SLC36A1: variants seen among roughly 807,000 people sequenced by gnomAD.
The protein encoded by SLC36A1 is proton-coupled amino acid transporter 1.
SLC36A1 carries 30 observed loss-of-function variants against 47.5 expected under a neutral mutation model. The ratio of observed to expected loss-of-function variants is 0.63; its 90% CI spans 0.47 to 0.86. SLC36A1 has a LOEUF of 0.86. Ranked by LOEUF, SLC36A1 falls within the 40% of genes least tolerant of loss-of-function variation. The pLI, the probability that SLC36A1 is intolerant of heterozygous loss-of-function variation, is 0.00. For synonymous variants in SLC36A1, 255 were observed against 249.7 expected (o/e 1.02, Z -0.20); for missense variants, 517 against 606.0 (o/e 0.85, Z 1.54).
the SLC36A1 span, chr5:151,527,409 T>C: frequency 1.9e-6 from 3 of 1,552,648 alleles, no homozygotes; most frequent in Non-Finnish European, 2.6e-6. Flanking sequence ...AGGTTAGCAA[T>C]GAGGTAGCTG....
chr5:151,498,940 C>T, the SLC36A1 span, among the ~76,000 whole-genome samples: 3 of 152,194 alleles, frequency 2.0e-5, no homozygotes, highest in Non-Finnish European at 4.4e-5. Flanking sequence ...CGTGGCTGCT[C>T]GGCCACTTTC....
chr5:151,364,579 A>G, the SLC36A1 span, among the ~76,000 whole-genome samples: 1 of 152,222 alleles, frequency 6.6e-6, no homozygotes, highest in African/African-American at 2.4e-5. Context: ...TAAGGATCTT[A>G]GAGTTTCAAC....
the SLC36A1 span, among the ~76,000 whole-genome samples, chr5:151,402,894 T>G: frequency 6.6e-6 from 1 of 152,170 alleles, no homozygotes; most frequent in African/African-American, 2.4e-5. Flanking sequence ...GGGTCTTCTC[T>G]CTTTTTCATT....
intron 7 of SLC36A1, among the ~76,000 whole-genome samples, chr5:151,469,832 G>A (rs989525248): frequency 6.6e-6 from 1 of 151,412 alleles, no homozygotes; most frequent in African/African-American, 2.4e-5. Context: ...GTATTATTTT[G>A]GTCAGTCTGA....
chr5:151,484,564 C>T lies in SLC36A1; in HGVS notation c.1160-3419C>T, dbSNP rs191104309. On this transcript the variant is annotated intron_variant, in intron 10 of 10. Coordinates refer to ENST00000243389, the MANE Select transcript of SLC36A1 (RefSeq NM_078483.4). ...AGTTCCTTAGAATTTCAGAGTTGGGCGAGACTTCAGACATCACCCAGTTAC... is the reference window on the plus strand; with the variant it reads ...AGTTCCTTAGAATTTCAGAGTTGGGTGAGACTTCAGACATCACCCAGTTAC... Among the ~76,000 whole-genome samples the T allele has an allele frequency of 1.6e-4, 25 of 152,218 alleles. No homozygotes were observed. In the East Asian group the frequency reaches 4.6e-3, roughly 28 times the overall value.
the SLC36A1 span, among the ~76,000 whole-genome samples, chr5:151,386,196 C>T: frequency 6.6e-6 from 1 of 151,890 alleles, no homozygotes; most frequent in Non-Finnish European, 1.5e-5. Flanking sequence ...ATCTTTTTGG[C>T]TTTATATTTT....
At chr5:151,369,522 G>T in the SLC36A1 span, among the ~76,000 whole-genome samples, 4 of 152,218 alleles carry the variant, frequency 2.6e-5, no homozygotes, top group Non-Finnish European at 4.4e-5. Flanking sequence ...ACTCCCTCAG[G>T]CTGGAGCACA....
At chr5:151,523,314 A>G in the SLC36A1 span, among the ~76,000 whole-genome samples, 2 of 152,214 alleles carry the variant, frequency 1.3e-5, no homozygotes, top group Admixed American at 6.5e-5. Flanking sequence ...ACTGAGTACA[A>G]TGCTAGTCAT....
the SLC36A1 span, among the ~76,000 whole-genome samples, chr5:151,346,653 G>A: frequency 6.6e-6 from 1 of 152,300 alleles, no homozygotes; most frequent in Middle Eastern, 3.4e-3. Context: ...AAGTCTGGTT[G>A]GGTGGTGGGG....
chr5:151,399,065 A>AATATATATATATATAT, the SLC36A1 span, among the ~76,000 whole-genome samples: 969 of 66,494 alleles, frequency 0.015, 13 homozygotes, highest in Non-Finnish European at 0.019. Context: ...TGTGTGTGTA[A>AATATATATATATATAT]ATATATATAT....
At chr5:151,398,575 C>A in the SLC36A1 span, among the ~76,000 whole-genome samples, 1 of 152,184 alleles carries the variant, frequency 6.6e-6, no homozygotes, top group Non-Finnish European at 1.5e-5. Context: ...GAAAAAGCTC[C>A]AATTGCTCAT....
At chr5:151,414,495 T>C in the SLC36A1 span, among the ~76,000 whole-genome samples, 8 of 152,082 alleles carry the variant, frequency 5.3e-5, no homozygotes, top group African/African-American at 1.9e-4. Context: ...TAAGGAGATA[T>C]TGACAATTTT....
intron 9 of SLC36A1, 95 bp downstream of exon 9, chr5:151,476,851 C>G: frequency 6.9e-7 from 1 of 1,451,202 alleles, no homozygotes; most frequent in Non-Finnish European, 9.5e-7. Flanking sequence ...ATCTCTTAAA[C>G]CAGCCCACTT....
chr5:151,482,772 C>G (rs2127539063), intron 10 of SLC36A1, among the ~76,000 whole-genome samples: 1 of 152,272 alleles, frequency 6.6e-6, no homozygotes, highest in Middle Eastern at 3.4e-3. Flanking sequence ...TTTATACCCC[C>G]ACTAAGTCAA....
the SLC36A1 span, chr5:151,507,699 T>TC: frequency 4.8e-6 from 6 of 1,247,928 alleles, no homozygotes; most frequent in South Asian, 1.6e-5. Context: ...TAGAGACTGC[T>TC]CCCCCCAAAA....
chr5:151,405,130 T>G, the SLC36A1 span, among the ~76,000 whole-genome samples: 4 of 152,186 alleles, frequency 2.6e-5, no homozygotes, highest in African/African-American at 9.6e-5. Flanking sequence ...TTTGAAAGAC[T>G]GGTCTTTAAG....
At chr5:151,420,975 A>C in the SLC36A1 span, among the ~76,000 whole-genome samples, 1 of 150,198 alleles carries the variant, frequency 6.7e-6, no homozygotes, top group East Asian at 2.0e-4. Context: ...GGTTCACGCC[A>C]TTCTCCTGCC....
At chr5:151,403,991 G>A in the SLC36A1 span, among the ~76,000 whole-genome samples, 4 of 152,122 alleles carry the variant, frequency 2.6e-5, no homozygotes, top group African/African-American at 9.7e-5. Flanking sequence ...CTCCTTTGAT[G>A]ATCTGTCTTA....
the SLC36A1 span, among the ~76,000 whole-genome samples, chr5:151,396,578 AAAG>A: frequency 6.6e-6 from 1 of 152,174 alleles, no homozygotes; most frequent in African/African-American, 2.4e-5. Flanking sequence ...ACACAAGAAA[AAAG>A]AAGTATGTTG....
Sources: gnomAD v4.1 joint callset for allele counts (sites outside exome capture counted in the v4.1 genomes callset) on GRCh38, gnomAD v4.1.1 for gene constraint, MANE v1.5 for transcripts, NCBI Gene and HGNC (gene_info 2026-07-23, HGNC 2026-07-21) for gene names.